Variants in BRF1 observed in about 807,000 individuals in gnomAD.
BRF1 encodes the protein BRF1 general transcription factor IIIB subunit, also known as transcription factor IIIB 90 kDa subunit.
In BRF1, 59 loss-of-function variants were observed where a neutral mutation model predicts 81.7. The ratio of observed to expected loss-of-function variants is 0.72; its 90% confidence interval spans 0.59 to 0.90. BRF1 has a LOEUF of 0.90. Ranked by LOEUF, BRF1 falls within the 40% of genes least tolerant of loss-of-function variation. BRF1 has a pLI of 0.00. For missense variants in BRF1, 1,050 were observed against 936.3 expected, an observed-to-expected ratio of 1.12 and a Z score of -1.58; for synonymous variants, 491 against 395.6, an observed-to-expected ratio of 1.24 and a Z score of -2.86.
Position 105,300,781 on chromosome 14 carries a change from CGCCGCGCGCGCCCGG to C in BRF1, c.-167_-153del. On this transcript the variant is annotated 5_prime_UTR_variant, in exon 1 of 18. Coordinates refer to ENST00000547530, the MANE Select transcript of BRF1 (RefSeq NM_001519.4). ...TCCAGCCGATTCGCAGCCGCAGATT[CGCCGCGCGCGCCCGG>C]GCCGCGCCGCCCGCAACGGCCGCGC... 2.2e-6 allele frequency: 1 copy of C among 465,108 alleles called. No individual in the cohort carries two copies. The highest frequency in any genetic ancestry group is 3.1e-6 in the Non-Finnish European group (1 of 326,960). 28.8% of individuals were successfully genotyped at this position (465,108 alleles called of 1,614,324 possible).
At chr14:105,219,981 G>A in intron 12 of BRF1, 88 bp downstream of exon 12, 1 of 1,509,062 alleles carries the variant, frequency 6.6e-7, no homozygotes. Flanking sequence ...CAGGGGAGGT[G>A]GCCAACCCCG....
intron 5 of BRF1, chr14:105,249,828 A>G (rs2055481118): frequency 6.2e-7 from 1 of 1,613,414 alleles, no homozygotes; most frequent in African/African-American, 1.3e-5. Context: ...GAGCTGACGC[A>G]GCGCTGCTGG....
In BRF1 at chr14:105,228,832, G is replaced by A. The variant is rs373957300; in HGVS notation, c.776C>T (p.Thr259Met). The part of the protein sequence containing the change: ...VISVVKVCES[T>M]LRKRLTEFED... ...GAGAGCCCCTCACCTCTTCCGCAGC[G>A]TGGACTCACACACTTTGACCACACT... is the stretch of plus-strand genomic sequence containing the variant. The change falls in exon 7 of 18, where the codon ACG (threonine) becomes ATG (methionine). Residue 259 changes from threonine to methionine, a missense_variant. Around this residue, in one of 2 missense-constraint regions of BRF1, gnomAD observed 1,043 missense variants for 915.4 expected, o/e 1.14. Transcript: ENST00000547530. The A allele has an allele frequency of 1.1e-5, 17 of 1,613,762 alleles. No individual in the cohort carries two copies. The highest frequency in any genetic ancestry group is 6.7e-5 in the Admixed American group (4 of 59,998).
At chr14:105,214,686 G>C (rs1324233950) in intron 15 of BRF1, among the ~76,000 whole-genome samples, 1 of 152,210 alleles carries the variant, frequency 6.6e-6, no homozygotes, top group African/African-American at 2.4e-5. Context: ...TGCAGCTCAG[G>C]CTGGTTCCCC....
intron 5 of BRF1, chr14:105,247,561 G>C: frequency 8.1e-6 from 8 of 985,390 alleles, no homozygotes; most frequent in Non-Finnish European, 8.4e-6. Flanking sequence ...CTCTCCCAGG[G>C]AACATTCACT....
chr14:105,264,399 T>TC (rs1223941328), intron 3 of BRF1, among the ~76,000 whole-genome samples: 1 of 151,764 alleles, frequency 6.6e-6, no homozygotes, highest in Non-Finnish European at 1.5e-5. Flanking sequence ...GCGCGATTGC[T>TC]CACACCTATA....
chr14:105,252,756 T>G (rs1030706112), intron 4 of BRF1, among the ~76,000 whole-genome samples, 177 bp from the exon 5 acceptor site: 2 of 152,228 alleles, frequency 1.3e-5, no homozygotes, highest in Non-Finnish European at 2.9e-5. Context: ...CCCAGGGCCC[T>G]GCCTTCTTCC....
chr14:105,241,233 A>C (rs2054603547), intron 6 of BRF1, 32 bp downstream of exon 6: 2 of 1,605,430 alleles, frequency 1.2e-6, no homozygotes, highest in Non-Finnish European at 1.7e-6. Flanking sequence ...GACCCAGACC[A>C]GCATCCCCCA....
chr14:105,312,833 G>T (rs2058381295), intron 1 of BRF1, among the ~76,000 whole-genome samples: 1 of 152,182 alleles, frequency 6.6e-6, no homozygotes, highest in Non-Finnish European at 1.5e-5. Context: ...GTGACACATG[G>T]TGTGTTTCGT....
At chr14:105,314,235 C>G (rs2058445410) in intron 1 of BRF1, among the ~76,000 whole-genome samples, 1 of 151,872 alleles carries the variant, frequency 6.6e-6, no homozygotes. Context: ...CCGGGCCAAC[C>G]CAGCGGGGGT....
In BRF1 at chr14:105,209,900, A is replaced by T; in HGVS notation, c.*651T>A. 1 of 374,078 alleles carries T rather than the reference A, an allele frequency of 2.7e-6. No homozygotes were observed. 23.2% of individuals were successfully genotyped at this position (374,078 alleles called of 1,614,324 possible). A position where few individuals can be genotyped will look rare whatever the true frequency, so the allele number is the denominator to read the frequency against. ...ACCCCCATGCTGCTCCAGGCGGTGC[A>T]GGCAGCGGGGAGGGGGGTCTGGAGG... On this transcript the variant is annotated 3_prime_UTR_variant, in exon 18 of 18. Transcript: ENST00000547530.
chr14:105,214,392 C>T (rs765604701), intron 15 of BRF1, among the ~76,000 whole-genome samples: 2 of 152,284 alleles, frequency 1.3e-5, no homozygotes, highest in African/African-American at 4.8e-5. Flanking sequence ...TCGGAGGGAG[C>T]GGCTGCCCAC....
intron 3 of BRF1, among the ~76,000 whole-genome samples, chr14:105,264,615 C>T (rs2816617): frequency 0.22 from 31,761 of 143,022 alleles, 3,902 homozygotes; most frequent in Middle Eastern, 0.28. Context: ...TGCAGTGAGC[C>T]GAGATTGTGC....
rs368700750 is a variant in BRF1 at position 105,217,588 on chromosome 14, C to T, written c.1728G>A (p.Pro576=). Residue 576 remains proline (P), a synonymous_variant, in exon 15 of 18, where the codon CCG becomes CCA. Transcript: ENST00000547530. ...CAGGGTCAGCCCCACTTCTGCTGGC[C>T]GGCGTCCTCCTTCGTGACAGCTTCC... is the stretch of plus-strand genomic sequence containing the variant. The part of the protein sequence containing the change: ...SARKLSRRRT[P]ASRSGADPVT... 20 of 1,613,368 alleles carry T rather than the reference C, an allele frequency of 1.2e-5. No homozygotes were observed. The highest frequency in any genetic ancestry group is 3.3e-5 in the Admixed American group (2 of 60,010).
chr14:105,304,676 G>A (rs1185577807), upstream of BRF1, among the ~76,000 whole-genome samples: 3 of 152,174 alleles, frequency 2.0e-5, no homozygotes. Flanking sequence ...GTGAGACTGG[G>A]CGATTAACAA....
At chr14:105,243,803 C>T (rs143111134) in intron 5 of BRF1, among the ~76,000 whole-genome samples, 5 of 152,134 alleles carry the variant, frequency 3.3e-5, no homozygotes, top group East Asian at 1.9e-4. Flanking sequence ...CAAGACCAGC[C>T]TGGCCAATAT....
intron 5 of BRF1, chr14:105,250,026 A>G (rs1327060618): frequency 1.2e-6 from 2 of 1,612,796 alleles, no homozygotes; most frequent in African/African-American, 1.3e-5. Context: ...ACCCCACGAA[A>G]CAAGAGGCAT....
At position 105,226,649 on chromosome 14, in the gene BRF1, C is replaced by G. The variant is rs745688763; in HGVS notation, c.900G>C (p.Lys300Asn). ...DPPSYTAGQR[K>N]LRMKQLEQVL... ...CCGGCGCTACCTGCTTCATCCGCAG[C>G]TTCCTCTGCCCAGCTGTGTACGAGG... Residue 300 changes from lysine to asparagine, a missense_variant, in exon 8 of 18, where the codon AAG (lysine) becomes AAC (asparagine). Physicochemically the swap from Lys to Asn is moderately conservative, Grantham distance 94 (BLOSUM62 0). Around this residue, in one of 2 missense-constraint regions of BRF1, gnomAD observed 1,043 missense variants for 915.4 expected, o/e 1.14. Transcript: ENST00000547530. 2.5e-6 allele frequency: 4 copies of G among 1,613,344 alleles called. No individual in the cohort carries two copies. Among genetic ancestry groups the G allele is most frequent in the African/African-American group, 1.3e-5 (1 of 75,072 alleles).
Position 105,250,609 on chromosome 14 carries a change from G to A in BRF1, c.544+1898C>T, listed in dbSNP as rs143014258. On this transcript the variant is annotated intron_variant, in intron 5 of 17. Coordinates refer to ENST00000547530, the MANE Select transcript of BRF1 (RefSeq NM_001519.4). ...TGGCCTTCCAGTTCCAGTGCTCCTC[G>A]GACAGCACCAACGGGACTGGGGTCC... is the stretch of plus-strand genomic sequence containing the variant. 46 of 1,613,846 alleles carry A rather than the reference G, an allele frequency of 2.9e-5. No individual in the cohort carries two copies. In the African/African-American group the frequency reaches 4.4e-4, roughly 15 times the overall value.
Sources: allele counts gnomAD v4.1 joint callset (sites outside exome capture counted in the v4.1 genomes callset), GRCh38; gene constraint gnomAD v4.1.1; regional missense constraint gnomAD v4.1.1; transcripts MANE v1.5; gene names NCBI Gene and HGNC (gene_info 2026-07-23, HGNC 2026-07-21).